The following SEMA3A variants were observed in gnomAD, a reference collection of about 807,000 sequenced individuals.
SEMA3A encodes the protein semaphorin 3A, also known as semaphorin-3A.
Under a neutral mutation model 97.9 loss-of-function variants are expected in SEMA3A, and 29 were observed. The observed-to-expected ratio is 0.30, with a 90% CI of 0.22 to 0.40. The LOEUF (loss-of-function observed/expected upper bound fraction) is 0.40. Among genes scored for constraint, SEMA3A ranks in the 10% least tolerant of loss-of-function variants. The pLI is 1.00. For missense variants in SEMA3A, 763 were observed against 951.3 expected, an observed-to-expected ratio of 0.80 and a Z score of 2.60; for synonymous variants, 321 against 323.7, an observed-to-expected ratio of 0.99 and a Z score of 0.09.
At chr7:84,374,553 G>A (rs891365921) in intron 1 of SEMA3A, among the ~76,000 whole-genome samples, 3 of 152,190 alleles carry the variant, frequency 2.0e-5, no homozygotes, top group Admixed American at 1.3e-4. Context: ...GTTTATAGGT[G>A]TTGTGCTTAT....
chr7:84,223,630 A>C (rs1259781581), intron 3 of SEMA3A, among the ~76,000 whole-genome samples: 5 of 151,840 alleles, frequency 3.3e-5, no homozygotes, highest in Admixed American at 2.0e-4. Context: ...TAGAATGGGG[A>C]TTCTAAAAAC....
At chr7:84,155,288 A>G (rs1796808023) in intron 1 of SEMA3A, among the ~76,000 whole-genome samples, 1 of 152,126 alleles carries the variant, frequency 6.6e-6, no homozygotes. Context: ...TTAGGCTCAA[A>G]TGTGCACATC....
intron 3 of SEMA3A, among the ~76,000 whole-genome samples, chr7:84,212,171 A>G (rs1359442038): frequency 2.0e-5 from 3 of 152,218 alleles, no homozygotes; most frequent in Non-Finnish European, 4.4e-5. Flanking sequence ...ACCAAACTAC[A>G]AGAGAAATAA....
At chr7:84,081,285 C>G (rs1247546912) in intron 4 of SEMA3A, among the ~76,000 whole-genome samples, 1 of 151,712 alleles carries the variant, frequency 6.6e-6, no homozygotes, top group Non-Finnish European at 1.5e-5. Context: ...ATTTAAAAAA[C>G]TGGTAAAAAT....
intron 1 of SEMA3A, among the ~76,000 whole-genome samples, chr7:84,188,722 T>A (rs1305620205): frequency 6.6e-6 from 1 of 151,924 alleles, no homozygotes; most frequent in East Asian, 1.9e-4. Context: ...CACTATTTTG[T>A]TTTACATTTT....
intron 4 of SEMA3A, among the ~76,000 whole-genome samples, chr7:84,077,765 T>A (rs899484254): frequency 1.3e-5 from 2 of 152,036 alleles, no homozygotes; most frequent in African/African-American, 4.8e-5. Context: ...ATTTGGGAAT[T>A]TGGAGGATCC....
chr7:84,151,307 A>G (rs1323850700), intron 1 of SEMA3A, among the ~76,000 whole-genome samples: 2 of 151,552 alleles, frequency 1.3e-5, no homozygotes, highest in Non-Finnish European at 3.0e-5. Flanking sequence ...ACGGGAGGAC[A>G]TTCAAACCAA....
chr7:84,417,359 G>C (rs1804464254), intron 1 of SEMA3A, among the ~76,000 whole-genome samples: 1 of 151,986 alleles, frequency 6.6e-6, no homozygotes, highest in Admixed American at 6.6e-5. Flanking sequence ...TAATTTGATT[G>C]ATGAATAGTA....
At position 84,453,573 on chromosome 7, in the gene SEMA3A, C is replaced by T. The variant is rs1421638606; in HGVS notation, c.-246+38887G>A. 3.3e-5 allele frequency among the ~76,000 whole-genome samples: 5 copies of T among 152,202 alleles called. No individual in the cohort carries two copies. The South Asian group carries it at 8.3e-4, about 25-fold the overall frequency. ...CTATTGAGTGATAGAGACAATGCAT[C>T]CTGATTCACACAGTGAAATGCTACT... is the stretch of plus-strand genomic sequence containing the variant. On this transcript the variant is annotated intron_variant, in intron 1 of 3. Transcript: ENST00000424555.
At chr7:84,229,361 AGAGT>A (rs1456620744) in intron 3 of SEMA3A, among the ~76,000 whole-genome samples, 1 of 152,142 alleles carries the variant, frequency 6.6e-6, no homozygotes, top group African/African-American at 2.4e-5. Flanking sequence ...TTTCATACAT[AGAGT>A]GAGTGACACA....
intron 2 of SEMA3A, among the ~76,000 whole-genome samples, chr7:84,310,883 G>A (rs545720278): frequency 4.7e-4 from 71 of 151,648 alleles, no homozygotes; most frequent in African/African-American, 1.6e-3. Flanking sequence ...CTCATGAGAG[G>A]GTGGGAAGAT....
At chr7:84,344,115 T>C (rs1271443150) in intron 2 of SEMA3A, among the ~76,000 whole-genome samples, 3 of 152,192 alleles carry the variant, frequency 2.0e-5, no homozygotes, top group Non-Finnish European at 4.4e-5. Context: ...AAATATTTAT[T>C]ATATCAGAAT....
chr7:84,220,448 C>T (rs1209741685), intron 3 of SEMA3A, among the ~76,000 whole-genome samples: 1 of 152,128 alleles, frequency 6.6e-6, no homozygotes, highest in Non-Finnish European at 1.5e-5. Flanking sequence ...TTCATGGCAA[C>T]TAGAATTAAT....
chr7:83,984,905 T>G (rs763344707), intron 13 of SEMA3A, among the ~76,000 whole-genome samples: 167 of 152,160 alleles, frequency 1.1e-3, no homozygotes, highest in Non-Finnish European at 2.0e-3. Flanking sequence ...AAATACACAT[T>G]TTGTTTTCTC....
intron 4 of SEMA3A, among the ~76,000 whole-genome samples, chr7:84,092,712 A>C (rs1042997189): frequency 6.6e-6 from 1 of 152,128 alleles, no homozygotes; most frequent in Non-Finnish European, 1.5e-5. Context: ...TTTTACCAAA[A>C]TAGATCTTGA....
intron 2 of SEMA3A, among the ~76,000 whole-genome samples, chr7:84,353,836 G>T (rs1007965300): frequency 3.3e-5 from 5 of 151,462 alleles, no homozygotes; most frequent in Non-Finnish European, 3.0e-5. Context: ...AAGTAATTTT[G>T]TCCATGAGCT....
rs59465422 is a variant in SEMA3A, at chr7:84,463,237, CT to C, written c.-246+29222del. The stretch of plus-strand genomic sequence containing the variant: ...ATTACTTTAGTATTTTGTAACTATT[CT>C]TTTTTTTTTTTTTTTTTTTTTTTTT... On this transcript the variant is annotated intron_variant, in intron 1 of 3. Coordinates refer to the SEMA3A transcript ENST00000424555. Among the ~76,000 whole-genome samples, 479 of 71,220 alleles carry C rather than the reference CT, an allele frequency of 6.7e-3. 1 individual carries two copies. The highest frequency in any genetic ancestry group is 0.02 in the African/African-American group (357 of 17,808). 46.7% of individuals were successfully genotyped at this position (71,220 alleles called of 152,430 possible). A position where few individuals can be genotyped will look rare whatever the true frequency, so the allele number is the denominator to read the frequency against.
intron 2 of SEMA3A, among the ~76,000 whole-genome samples, chr7:84,309,246 G>C (rs992230126): frequency 6.6e-6 from 1 of 152,184 alleles, no homozygotes; most frequent in African/African-American, 2.4e-5. Context: ...GGAGAGGATA[G>C]TGAAAGAGTA....
In SEMA3A at chr7:84,485,162, CAT is replaced by C. The variant is rs746477476; in HGVS notation, c.-246+7296_-246+7297del. On this transcript the variant is annotated intron_variant, in intron 1 of 3. Transcript: ENST00000424555. The stretch of plus-strand genomic sequence containing the variant: ...AATGTTCCTTTTCCATATTTACTAA[CAT>C]ATATTTTTAATATTTTAAATAAAAT... Among the ~76,000 whole-genome samples, 8 of 152,172 alleles carry C rather than the reference CAT, an allele frequency of 5.3e-5. No homozygotes were observed. The East Asian group carries it at 1.4e-3, about 26-fold the overall frequency.
Sources: gnomAD v4.1 joint callset for allele counts (sites outside exome capture counted in the v4.1 genomes callset) on GRCh38, gnomAD v4.1.1 for gene constraint, MANE v1.5 for transcripts, NCBI Gene and HGNC (gene_info 2026-07-23, HGNC 2026-07-21) for gene names.